The following MAP6 variants were observed in gnomAD, a reference collection of about 807,000 sequenced individuals.
MAP6 encodes the protein microtubule-associated protein 6.
MAP6 carries 26 observed loss-of-function variants against 42.4 expected under a neutral mutation model. That is an observed-to-expected ratio of 0.61 (90% CI 0.45 to 0.85). The LOEUF (loss-of-function observed/expected upper bound fraction) is 0.85, where lower values mean the gene tolerates loss of function less well. Among genes scored for constraint, MAP6 ranks in the 40% least tolerant of loss-of-function variants. The probability of loss-of-function intolerance (pLI) is 0.00; values close to 1 mark genes in which losing one functional copy is unlikely to be tolerated. For synonymous variants in MAP6, 418 were observed against 443.8 expected, an observed-to-expected ratio of 0.94 and a Z score of 0.73; for missense variants, 966 against 1,099.0, an observed-to-expected ratio of 0.88 and a Z score of 1.71.
chr11:75,667,401 C>T lies in MAP6; in HGVS notation c.905+64G>A. 5.1e-6 allele frequency: 7 copies of T among 1,362,204 alleles called. No individual in the cohort carries two copies. Among genetic ancestry groups the T allele is most frequent in the Non-Finnish European group, 6.6e-6 (7 of 1,053,076 alleles). The allele number at this position is 1,362,204 out of a possible 1,614,324, so 84.4% of individuals were successfully genotyped here. Reference sequence around the variant, plus strand: ...AGGCCTGCGCTGGGGATCCTGGGCCCCGGGCAGCCCGCGGGGAGGGTCTGC... The same window carrying T: ...AGGCCTGCGCTGGGGATCCTGGGCCTCGGGCAGCCCGCGGGGAGGGTCTGC... On this transcript the variant is annotated intron_variant, in intron 1 of 3. Coordinates refer to ENST00000304771, the MANE Select transcript of MAP6 (RefSeq NM_033063.2). The surrounding 1 kb of genome is among the most constrained non-coding windows in gnomAD (Gnocchi z 5.6).
At chr11:75,617,268 G>A (rs1274277534) in intron 1 of MAP6, among the ~76,000 whole-genome samples, 1 of 152,120 alleles carries the variant, frequency 6.6e-6, no homozygotes, top group African/African-American at 2.4e-5. Flanking sequence ...TATGATCCCA[G>A]CACCCTGGGA....
In MAP6 at chr11:75,604,494, A is replaced by G. The variant is rs369102077; in HGVS notation, c.1316+1314T>C. 5.3e-5 allele frequency: 52 copies of G among 985,056 alleles called. No homozygotes were observed. In the African/African-American group the frequency reaches 8.6e-4, roughly 16 times the overall value. 61.0% of individuals were successfully genotyped at this position (985,056 alleles called of 1,614,324 possible). ...GTGTCAGAATGCCGGGGACAAGAGG[A>G]TTTTAAGGACAGGAGATACAGAGTG... On this transcript the variant is annotated intron_variant, in intron 3 of 3. Transcript: ENST00000304771.
At chr11:75,592,557 C>A (rs1225383474) in intron 3 of MAP6, among the ~76,000 whole-genome samples, 1 of 152,028 alleles carries the variant, frequency 6.6e-6, no homozygotes, top group Non-Finnish European at 1.5e-5. Context: ...AATATTCCCA[C>A]TTCTTTCCCT....
intron 1 of MAP6, among the ~76,000 whole-genome samples, chr11:75,642,049 A>T (rs1320645865): frequency 1.3e-5 from 2 of 152,252 alleles, no homozygotes; most frequent in African/African-American, 2.4e-5. Context: ...CACTAAAATT[A>T]AAGTAACAAA....
intron 1 of MAP6, among the ~76,000 whole-genome samples, chr11:75,638,158 G>GGT (rs1029249660): frequency 2.1e-5 from 3 of 145,958 alleles, no homozygotes; most frequent in African/African-American, 8.5e-5. Flanking sequence ...TCTGCCCAGT[G>GGT]CTCTCCTCAC....
intron 1 of MAP6, among the ~76,000 whole-genome samples, chr11:75,617,289 G>C (rs116555723): frequency 1.3e-5 from 2 of 152,090 alleles, no homozygotes. Flanking sequence ...GGCCAAGGCC[G>C]GCAGATCTCT....
intron 1 of MAP6, among the ~76,000 whole-genome samples, chr11:75,624,660 T>C (rs567867668): frequency 2.0e-5 from 3 of 152,208 alleles, no homozygotes; most frequent in Admixed American, 1.3e-4. Context: ...AGATGCAACT[T>C]AAATATAGGC....
rs145095851 is a variant in MAP6 at position 75,652,024 on chromosome 11, C to T, written c.905+15441G>A. On this transcript the variant is annotated intron_variant, in intron 1 of 3. Coordinates refer to ENST00000304771, the MANE Select transcript of MAP6 (RefSeq NM_033063.2). ...ATGAAAGGGAACACCAACTTTGAAC[C>T]CCAATTCAGCAAATATTATTACCCA... 5.0e-3 allele frequency among the ~76,000 whole-genome samples: 761 copies of T among 152,214 alleles called. 8 individuals carry two copies. Among genetic ancestry groups the T allele is most frequent in the African/African-American group, 0.018 (734 of 41,532 alleles).
intron 1 of MAP6, among the ~76,000 whole-genome samples, chr11:75,664,246 C>A (rs1417732614): frequency 6.6e-6 from 1 of 152,086 alleles, no homozygotes; most frequent in African/African-American, 2.4e-5. Flanking sequence ...TGAATAATCC[C>A]AAAGCTATCC....
At chr11:75,634,417 C>T (rs1943335496) in intron 1 of MAP6, among the ~76,000 whole-genome samples, 1 of 152,278 alleles carries the variant, frequency 6.6e-6, no homozygotes, top group East Asian at 1.9e-4. Context: ...GCTGGGACTG[C>T]AGGCATGTGC....
At position 75,646,499 on chromosome 11, in the gene MAP6, TAAAAA is replaced by T. The variant is rs763735730; in HGVS notation, c.905+20961_905+20965del. ...CAACATGGTGAAAACCCATCTCTAT[TAAAAA>T]AAAAAAAAAAAAAAAAAAAGGCAAG... On this transcript the variant is annotated intron_variant, in intron 1 of 3. Transcript: ENST00000304771. Among the ~76,000 whole-genome samples the T allele has an allele frequency of 1.5e-3, 101 of 66,666 alleles. 1 individual carries two copies. The East Asian group carries it at 0.028, about 18-fold the overall frequency. 43.7% of individuals were successfully genotyped at this position (66,666 alleles called of 152,430 possible). A position where few individuals can be genotyped will look rare whatever the true frequency, so the allele number is the denominator to read the frequency against.
At chr11:75,621,369 G>T (rs1321050334) in intron 1 of MAP6, among the ~76,000 whole-genome samples, 4 of 151,990 alleles carry the variant, frequency 2.6e-5, no homozygotes, top group Non-Finnish European at 5.9e-5. Context: ...GCAATAGAGG[G>T]GAACTCCCTC....
chr11:75,632,523 G>GAATA (rs2135636369), intron 1 of MAP6, among the ~76,000 whole-genome samples: 1 of 152,196 alleles, frequency 6.6e-6, no homozygotes, highest in Admixed American at 6.5e-5. Context: ...CTTTCTCACA[G>GAATA]AATAAATACC....
chr11:75,599,846 G>A (rs1369897393), intron 3 of MAP6, among the ~76,000 whole-genome samples: 1 of 152,212 alleles, frequency 6.6e-6, no homozygotes, highest in East Asian at 1.9e-4. Context: ...CAAGCTGGCA[G>A]GTGTCCCCTC....
At chr11:75,624,146 C>T (rs2135620397) in intron 1 of MAP6, among the ~76,000 whole-genome samples, 1 of 152,320 alleles carries the variant, frequency 6.6e-6, no homozygotes, top group South Asian at 2.1e-4. Flanking sequence ...AACCTGCTAA[C>T]TCTAGGAGAA....
chr11:75,638,406 C>T (rs112195527), intron 1 of MAP6: 1 of 152,144 alleles, frequency 6.6e-6, no homozygotes, highest in Non-Finnish European at 1.5e-5. Context: ...TTGGGGTGCT[C>T]CTGCCAACTT....
At chr11:75,640,084 C>A (rs573885336) in intron 1 of MAP6, among the ~76,000 whole-genome samples, 2 of 152,136 alleles carry the variant, frequency 1.3e-5, no homozygotes, top group South Asian at 2.1e-4. Flanking sequence ...CCCAGACAGG[C>A]GGCTCCTAGA....
chr11:75,598,047 A>C (rs1231417872), intron 3 of MAP6, among the ~76,000 whole-genome samples: 2 of 152,168 alleles, frequency 1.3e-5, no homozygotes, highest in African/African-American at 4.8e-5. Flanking sequence ...CAGGCCTGGG[A>C]ATCAGGTATC....
chr11:75,647,753 C>T (rs1351861562), intron 1 of MAP6, among the ~76,000 whole-genome samples: 1 of 152,174 alleles, frequency 6.6e-6, no homozygotes, highest in East Asian at 1.9e-4. Context: ...ATAAATTTAA[C>T]CTGAGGCCAA....
Sources: gnomAD v4.1 joint callset for allele counts (sites outside exome capture counted in the v4.1 genomes callset) on GRCh38, gnomAD v4.1.1 for gene constraint, Gnocchi (gnomAD v3.1) non-coding constraint, MANE v1.5 for transcripts, NCBI Gene and HGNC (gene_info 2026-07-23, HGNC 2026-07-21) for gene names.